TRAPPC9: variants seen among roughly 807,000 people sequenced by gnomAD.
The protein encoded by TRAPPC9 is trafficking protein particle complex subunit 9, also known as IKK2 binding protein.
Under a neutral mutation model 124.0 loss-of-function variants are expected in TRAPPC9, and 83 were observed. The observed-to-expected ratio is 0.67, with a 90% confidence interval of 0.56 to 0.80. The LOEUF (loss-of-function observed/expected upper bound fraction) is 0.80. TRAPPC9 is among the 30% of genes least tolerant of loss of function. The pLI, the probability that TRAPPC9 is intolerant of heterozygous loss-of-function variation, is 0.00. For missense variants in TRAPPC9, 1,302 were observed against 1,508.3 expected (o/e 0.86, Z 2.27); for synonymous variants, 638 against 617.5 (o/e 1.03, Z -0.49).
intron 15 of TRAPPC9, among the ~76,000 whole-genome samples, chr8:140,261,818 G>A (rs181242254): frequency 2.8e-4 from 43 of 152,270 alleles, no homozygotes; most frequent in Middle Eastern, 3.4e-3. Context: ...GGATGCGTCA[G>A]ACACCCAGAT....
At chr8:140,357,368 G>A (rs1461807089) in intron 9 of TRAPPC9, among the ~76,000 whole-genome samples, 1 of 152,122 alleles carries the variant, frequency 6.6e-6, no homozygotes, top group Non-Finnish European at 1.5e-5. Flanking sequence ...TCAGGCGAAG[G>A]GCTCAGGGCC....
intron 17 of TRAPPC9, among the ~76,000 whole-genome samples, chr8:140,144,086 T>C (rs34165847): frequency 0.18 from 27,840 of 152,286 alleles, 3,097 homozygotes; most frequent in Admixed American, 0.26. Flanking sequence ...TTTTAATTAC[T>C]ATTGCTTTAT....
At chr8:140,289,219 T>A (rs562704961) in intron 12 of TRAPPC9, among the ~76,000 whole-genome samples, 1 of 147,410 alleles carries the variant, frequency 6.8e-6, no homozygotes, top group Non-Finnish European at 1.5e-5. Context: ...GTGTGTGTTC[T>A]CATGTATGTG....
chr8:140,107,517 T>C (rs901594873), intron 17 of TRAPPC9, among the ~76,000 whole-genome samples: 5 of 152,216 alleles, frequency 3.3e-5, no homozygotes, highest in Admixed American at 2.6e-4. Flanking sequence ...GAAAGGGGCA[T>C]GTAGCCAAGC....
chr8:140,302,582 G>C (rs1283160824), intron 10 of TRAPPC9: 5 of 152,252 alleles, frequency 3.3e-5, no homozygotes, highest in African/African-American at 1.2e-4. Flanking sequence ...ACTTCCCTCA[G>C]GAACAGCAGC....
At chr8:139,931,839 A>G (rs971144448) in intron 19 of TRAPPC9, 6 of 174,364 alleles carry the variant, frequency 3.4e-5, no homozygotes, top group Admixed American at 3.4e-4. Flanking sequence ...ATGAGAAATT[A>G]AGCCCATTTC....
intron 17 of TRAPPC9, among the ~76,000 whole-genome samples, chr8:140,211,610 CTTT>C (rs2063064234): frequency 6.6e-6 from 1 of 152,200 alleles, no homozygotes; most frequent in African/African-American, 2.4e-5. Flanking sequence ...TCCCACAATT[CTTT>C]ATTTTAAAAG....
intron 2 of TRAPPC9, among the ~76,000 whole-genome samples, chr8:140,444,845 A>G (rs1247652717): frequency 1.4e-5 from 2 of 147,674 alleles, no homozygotes; most frequent in African/African-American, 2.6e-5. Flanking sequence ...CACGGGCAAC[A>G]AGAGTGAAAC....
At chr8:140,424,924 A>G (rs1391755750) in intron 5 of TRAPPC9, among the ~76,000 whole-genome samples, 1 of 152,216 alleles carries the variant, frequency 6.6e-6, no homozygotes, top group Non-Finnish European at 1.5e-5. Flanking sequence ...AAATCAAATG[A>G]AAGTGATGTA....
intron 19 of TRAPPC9, among the ~76,000 whole-genome samples, chr8:139,979,058 C>T (rs1486565944): frequency 9.2e-5 from 14 of 152,108 alleles, no homozygotes; most frequent in Admixed American, 6.5e-4. Flanking sequence ...CCAACTGGGG[C>T]GCCGTGGTTG....
At chr8:139,778,881 C>T (rs78975902) in intron 21 of TRAPPC9, among the ~76,000 whole-genome samples, 9,713 of 152,028 alleles carry the variant, frequency 0.064, 340 homozygotes, top group Middle Eastern at 0.11. Flanking sequence ...CAAAATTTTC[C>T]CCAAATCCAT....
intron 16 of TRAPPC9, among the ~76,000 whole-genome samples, chr8:140,231,815 C>T (rs996413460): frequency 1.3e-5 from 2 of 152,084 alleles, no homozygotes; most frequent in African/African-American, 4.8e-5. Context: ...CCCTTTTCAC[C>T]TATTTAAGTC....
chr8:140,158,794 G>C (rs929367491), intron 17 of TRAPPC9, among the ~76,000 whole-genome samples: 6 of 152,060 alleles, frequency 3.9e-5, no homozygotes, highest in Non-Finnish European at 5.9e-5. Context: ...ACATTGTCTT[G>C]AGCATCTACT....
chr8:139,756,238 T>G (rs1586774687), intron 21 of TRAPPC9, among the ~76,000 whole-genome samples: 2 of 114,194 alleles, frequency 1.8e-5, no homozygotes, highest in African/African-American at 3.8e-5. Context: ...AGCCAGGGTT[T>G]GGGGATGAGG....
chr8:140,127,959 G>A (rs2130677931), intron 17 of TRAPPC9, among the ~76,000 whole-genome samples: 1 of 152,362 alleles, frequency 6.6e-6, no homozygotes, highest in East Asian at 1.9e-4. Flanking sequence ...AGTGTAAGCA[G>A]TGTGGTGGCT....
At chr8:139,819,527 A>T (rs1825106002) in intron 21 of TRAPPC9, among the ~76,000 whole-genome samples, 2 of 152,208 alleles carry the variant, frequency 1.3e-5, no homozygotes, top group African/African-American at 4.8e-5. Flanking sequence ...TGGGACAGGG[A>T]CAATCTCATC....
intron 21 of TRAPPC9, among the ~76,000 whole-genome samples, chr8:139,814,266 C>T (rs1396557992): frequency 6.6e-6 from 1 of 152,210 alleles, no homozygotes; most frequent in African/African-American, 2.4e-5. Flanking sequence ...GATGAAGCCT[C>T]GAGCTGGGCC....
intron 21 of TRAPPC9, among the ~76,000 whole-genome samples, chr8:139,792,376 A>G (rs1462514701): frequency 6.6e-6 from 1 of 152,222 alleles, no homozygotes; most frequent in Non-Finnish European, 1.5e-5. Flanking sequence ...GTGTGAGCAG[A>G]GGCCAAAGAG....
At chr8:140,337,951 CA>C (rs1220948260) in intron 9 of TRAPPC9, among the ~76,000 whole-genome samples, 1 of 152,124 alleles carries the variant, frequency 6.6e-6, no homozygotes. Context: ...TTCTCCCCTG[CA>C]AAACGGGGTT....
Sources: gnomAD v4.1 joint callset for allele counts (sites outside exome capture counted in the v4.1 genomes callset) on GRCh38, gnomAD v4.1.1 for gene constraint, MANE v1.5 for transcripts, NCBI Gene and HGNC (gene_info 2026-07-23, HGNC 2026-07-21) for gene names.